Variants in MANBA observed in about 807,000 individuals in gnomAD.
MANBA encodes the protein beta-mannosidase.
In MANBA, 83 loss-of-function variants were observed where a neutral mutation model predicts 111.1. The observed-to-expected ratio is 0.75, with a 90% CI of 0.63 to 0.90. MANBA has a LOEUF of 0.90. MANBA is among the 40% of genes least tolerant of loss of function. MANBA has a pLI of 0.00. For synonymous variants in MANBA, 370 were observed against 378.7 expected (o/e 0.98, Z 0.27); for missense variants, 1,036 against 1,069.0 (o/e 0.97, Z 0.43).
intron 5 of MANBA, among the ~76,000 whole-genome samples, chr4:102,706,333 A>T (rs577980302): frequency 5.3e-5 from 8 of 152,352 alleles, no homozygotes; most frequent in African/African-American, 1.9e-4. Context: ...TGAGGAAATC[A>T]CAAACACCAC....
At position 102,639,765 on chromosome 4, in the gene MANBA, T is replaced by G; in HGVS notation, c.1962A>C (p.Ala654=). ...IVDQQGHTMG[A]LYWQLNDIWQ... is the part of the protein sequence containing the mutation. The stretch of plus-strand genomic sequence containing the variant: ...AGATGTCATTCAACTGCCAATAAAG[T>G]GCCCCCATCGTGTGCCCTTGCTGAT... Residue 654 remains alanine, a synonymous_variant, in exon 14 of 17, where the codon GCA becomes GCC. Coordinates refer to ENST00000647097, the MANE Select transcript of MANBA (RefSeq NM_005908.4). The G allele has an allele frequency of 6.2e-7, 1 of 1,614,130 alleles. No homozygotes were observed. Among genetic ancestry groups the G allele is most frequent in the Non-Finnish European group, 8.5e-7 (1 of 1,180,000 alleles).
chr4:102,664,511 G>A (rs1731119843), intron 11 of MANBA, among the ~76,000 whole-genome samples, 174 bp downstream of exon 11: 1 of 151,922 alleles, frequency 6.6e-6, no homozygotes, highest in East Asian at 1.9e-4. Flanking sequence ...ACCGCGCCCA[G>A]CTAATTTTTT....
chr4:102,715,417 A>C (rs1324297230), intron 4 of MANBA, among the ~76,000 whole-genome samples: 1 of 152,210 alleles, frequency 6.6e-6, no homozygotes, highest in Non-Finnish European at 1.5e-5. Flanking sequence ...TCAGATTCCT[A>C]ACTAACAGAA....
chr4:102,716,644 T>C (rs1377918627), intron 4 of MANBA, among the ~76,000 whole-genome samples: 1 of 152,212 alleles, frequency 6.6e-6, no homozygotes, highest in African/African-American at 2.4e-5. Context: ...TTTTCTAATT[T>C]CTACTTCTTA....
intron 14 of MANBA, among the ~76,000 whole-genome samples, chr4:102,637,413 C>T (rs980484152): frequency 6.6e-6 from 1 of 152,190 alleles, no homozygotes; most frequent in Middle Eastern, 3.2e-3. Context: ...CTGCCTCATA[C>T]CCTGGAGGAG....
intron 13 of MANBA, among the ~76,000 whole-genome samples, chr4:102,640,884 C>A (rs899891450): frequency 8.6e-5 from 13 of 151,996 alleles, no homozygotes; most frequent in African/African-American, 2.9e-4. Context: ...GAACGGAAGC[C>A]AGAAGAAATT....
chr4:102,746,068 C>A (rs1391514792), intron 1 of MANBA, among the ~76,000 whole-genome samples: 1 of 152,162 alleles, frequency 6.6e-6, no homozygotes, highest in Non-Finnish European at 1.5e-5. Flanking sequence ...TCTCCTCAGA[C>A]AAAGGTGGAA....
chr4:102,733,781 C>A (rs1360194933), intron 1 of MANBA, among the ~76,000 whole-genome samples: 2 of 152,208 alleles, frequency 1.3e-5, no homozygotes, highest in East Asian at 1.9e-4. Context: ...TCTTCCATGG[C>A]CCCATGAAAG....
intron 1 of MANBA, among the ~76,000 whole-genome samples, chr4:102,748,035 T>G (rs1723649300): frequency 1.3e-5 from 2 of 152,218 alleles, no homozygotes; most frequent in South Asian, 4.1e-4. Context: ...GAGATCACAC[T>G]TGCTCAGGGA....
intron 8 of MANBA, among the ~76,000 whole-genome samples, chr4:102,673,542 T>G (rs370978107): frequency 3.2e-4 from 48 of 152,256 alleles, no homozygotes; most frequent in African/African-American, 9.4e-4. Flanking sequence ...TGTTCTTATC[T>G]TTCAAAACCA....
chr4:102,635,942 C>CA lies in MANBA; in HGVS notation c.2079_2080insT (p.Val694CysfsTer4). ...AACGTGTTTTCATTCTCAAAGCCTA[C>CA]TGGCAACAGTGGAGCAAAGAAATTC... On this transcript the variant is annotated frameshift_variant, in exon 15 of 17. Coordinates refer to ENST00000647097, the MANE Select transcript of MANBA (RefSeq NM_005908.4). LOFTEE classifies it high-confidence loss of function. 6.2e-7 allele frequency: 1 copy of CA among 1,612,324 alleles called. No homozygotes were observed. Among genetic ancestry groups the CA allele is most frequent in the Non-Finnish European group, 8.5e-7 (1 of 1,178,308 alleles).
chr4:102,722,092 T>TG (rs1292294151), intron 4 of MANBA, among the ~76,000 whole-genome samples: 1 of 148,148 alleles, frequency 6.8e-6, no homozygotes, highest in Non-Finnish European at 1.5e-5. Context: ...TGCAAGGGGC[T>TG]GGGGAGAAGG....
At chr4:102,687,564 G>A (rs2110240141) in intron 7 of MANBA, among the ~76,000 whole-genome samples, 1 of 152,102 alleles carries the variant, frequency 6.6e-6, no homozygotes, top group East Asian at 1.9e-4. Context: ...TCTAGTCCTT[G>A]GGCCTTCACG....
chr4:102,656,316 T>C (rs1219940075), intron 12 of MANBA, among the ~76,000 whole-genome samples: 1 of 151,622 alleles, frequency 6.6e-6, no homozygotes, highest in Non-Finnish European at 1.5e-5. Context: ...GATATACAAA[T>C]GGCCAGTAAG....
chr4:102,685,117 G>A (rs1311269895), intron 7 of MANBA, among the ~76,000 whole-genome samples: 3 of 152,220 alleles, frequency 2.0e-5, no homozygotes, highest in South Asian at 2.1e-4. Flanking sequence ...GTGGATCTTC[G>A]GGAAGGAAAC....
At chr4:102,754,651 G>C (rs1578963535) in intron 1 of MANBA, among the ~76,000 whole-genome samples, 1 of 151,906 alleles carries the variant, frequency 6.6e-6, no homozygotes, top group East Asian at 1.9e-4. Context: ...CCACCTCCCG[G>C]GTTCATGCCA....
At chr4:102,696,920 T>A (rs1732737513) in intron 5 of MANBA, among the ~76,000 whole-genome samples, 1 of 152,180 alleles carries the variant, frequency 6.6e-6, no homozygotes, top group Non-Finnish European at 1.5e-5. Context: ...TGGGACAGAC[T>A]TAAGCAGCTG....
At position 102,690,755 on chromosome 4, in the gene MANBA, C is replaced by T. The variant is rs147662779; in HGVS notation, c.690G>A (p.Glu230=). The T allele has an allele frequency of 6.5e-7, 1 of 1,533,072 alleles. No homozygotes were observed. Among genetic ancestry groups the T allele is most frequent in the African/African-American group, 1.4e-5 (1 of 73,240 alleles). The allele number at this position is 1,533,072 out of a possible 1,614,324, so 95.0% of individuals were successfully genotyped here. A position where few individuals can be genotyped will look rare whatever the true frequency, so the allele number is the denominator to read the frequency against. Reference sequence around the variant, plus strand: ...ATGTAGACTCTATTTCCAGATTCCACTCCTGGGCACTCTTATCTAAAATAT... The same window carrying T: ...ATGTAGACTCTATTTCCAGATTCCATTCCTGGGCACTCTTATCTAAAATAT... The part of the protein sequence containing the change: ...FSPIYDKSAQ[E]WNLEIESTFD... The change falls in exon 6 of 17, where the codon GAG becomes GAA. Residue 230 remains glutamate, a synonymous_variant. Coordinates refer to ENST00000647097, the MANE Select transcript of MANBA (RefSeq NM_005908.4).
intron 15 of MANBA, 23 bp from the exon 16 acceptor site, chr4:102,635,068 A>G: frequency 6.2e-7 from 1 of 1,613,220 alleles, no homozygotes; most frequent in Non-Finnish European, 8.5e-7. Context: ...AAAACAGAAT[A>G]AAAACAGGCA....
Sources: gnomAD v4.1 joint callset for allele counts (sites outside exome capture counted in the v4.1 genomes callset) on GRCh38, gnomAD v4.1.1 for gene constraint, MANE v1.5 for transcripts, NCBI Gene and HGNC (gene_info 2026-07-23, HGNC 2026-07-21) for gene names.